The following ZNF764 variants were observed in gnomAD, a reference collection of about 807,000 sequenced individuals.
The protein encoded by ZNF764 is zinc finger protein 764.
A neutral mutation model predicts 13.9 loss-of-function variants in ZNF764; 10 were observed. The observed-to-expected ratio is 0.72, with a 90% CI of 0.44 to 1.22. The LOEUF is 1.22. ZNF764 is among the 50% of genes most tolerant of loss of function. The pLI is 0.00. For synonymous variants in ZNF764, 313 were observed against 255.1 expected, an observed-to-expected ratio of 1.23 and a Z score of -2.16; for missense variants, 647 against 589.7, an observed-to-expected ratio of 1.10 and a Z score of -1.01.
chr16:30,555,394 A>T lies in ZNF764; in HGVS notation c.1024T>A (p.Tyr342Asn), dbSNP rs578024104. Residue 342 changes from tyrosine to asparagine, a missense_variant, in exon 3 of 3, where the codon TAC (tyrosine) becomes AAC (asparagine). Physicochemically the swap from Tyr to Asn is moderately radical, Grantham distance 143. Transcript: ENST00000395091. ...CGGCGGCCGCACTGCGGGCAGGGGTAGGGCTTCTCGCCGCTGTGGGTGCGC... is the reference window on the plus strand; with the variant it reads ...CGGCGGCCGCACTGCGGGCAGGGGTTGGGCTTCTCGCCGCTGTGGGTGCGC... ...HRRTHSGEKP[Y>N]PCPQCGRRFG... 1 of 1,567,858 alleles carries T rather than the reference A, an allele frequency of 6.4e-7. No homozygotes were observed. Among genetic ancestry groups the T allele is most frequent in the African/African-American group, 1.4e-5 (1 of 73,934 alleles).
At chr16:30,557,363 A>G (rs2051565705) in intron 2 of ZNF764, among the ~76,000 whole-genome samples, 1 of 152,028 alleles carries the variant, frequency 6.6e-6, no homozygotes, top group Non-Finnish European at 1.5e-5. Context: ...GCTACTCTGG[A>G]GGCCCAGGTG....
At position 30,554,124 on chromosome 16, in the gene ZNF764, G is replaced by C. The variant is rs1377515825; in HGVS notation, c.*1070C>G. 1 of 152,190 alleles carries C rather than the reference G, an allele frequency of 6.6e-6. No individual in the cohort carries two copies. The highest frequency in any genetic ancestry group is 1.9e-4 in the East Asian group (1 of 5,198). 9.4% of individuals were successfully genotyped at this position (152,190 alleles called of 1,614,324 possible). The stretch of plus-strand genomic sequence containing the variant: ...AGCTCCCAACAACTGTGGTTTTGTC[G>C]GAGCCTAGGTCGAGTTGCCAAATCT... On this transcript the variant is annotated 3_prime_UTR_variant, in exon 3 of 3. Coordinates refer to ENST00000395091, the MANE Select transcript of ZNF764 (RefSeq NM_001172679.2).
At position 30,555,944 on chromosome 16, in the gene ZNF764, G is replaced by C. The variant is rs1367050873; in HGVS notation, c.474C>G (p.Arg158=). The change falls in exon 3 of 3, where the codon CGC becomes CGG. Residue 158 remains arginine (R), a synonymous_variant. Coordinates refer to ENST00000395091, the MANE Select transcript of ZNF764 (RefSeq NM_001172679.2). ...EQLSKAPHRG[R]PSLCAHPPVP... is the part of the protein sequence containing the mutation. ...CAGGGGGGTGGGCACAGAGGGAGGGGCGTCCCCGGTGCGGTGCCTTGGACA... is the reference window on the plus strand; with the variant it reads ...CAGGGGGGTGGGCACAGAGGGAGGGCCGTCCCCGGTGCGGTGCCTTGGACA... The C allele has an allele frequency of 6.2e-7, 1 of 1,611,632 alleles. No individual in the cohort carries two copies. Among genetic ancestry groups the C allele is most frequent in the African/African-American group, 1.3e-5 (1 of 75,032 alleles).
In ZNF764 at chr16:30,555,285, C is replaced by T. The variant is rs758632863; in HGVS notation, c.1133G>A (p.Arg378His). 4.3e-6 allele frequency: 7 copies of T among 1,612,142 alleles called. No homozygotes were observed. The highest frequency in any genetic ancestry group is 1.3e-5 in the African/African-American group (1 of 74,906). Residue 378 changes from arginine (R) to histidine (H), a missense_variant, in exon 3 of 3, where the codon CGT becomes CAT. By Grantham distance (29) the Arg-to-His change is conservative (BLOSUM62 0). Transcript: ENST00000395091. Reference protein sequence around the residue: ...AGGHRGRVAGRLSVTLTPGHG... With the variant: ...AGGHRGRVAGHLSVTLTPGHG... ...GCCAGGGGTCAGGGTCACAGACAGA[C>T]GCCCGGCGACCCGGCCCCTGTGGCC... is the stretch of plus-strand genomic sequence containing the variant.
Position 30,555,630 on chromosome 16 carries a change from C to A in ZNF764, c.788G>T (p.Cys263Phe), listed in dbSNP as rs372095147. 5.9e-6 allele frequency: 9 copies of A among 1,537,332 alleles called. No homozygotes were observed. The highest frequency in any genetic ancestry group is 7.9e-6 in the Non-Finnish European group (9 of 1,146,410). ...TGEKPYGCAD[C>F]GRRFSQSSAL... ...AGAGCTCTGGCTGAAGCGGCGGCCA[C>A]AGTCGGCGCAGCCATAGGGTTTCTC... is the stretch of plus-strand genomic sequence containing the variant. Residue 263 changes from cysteine to phenylalanine, a missense_variant, in exon 3 of 3, where the codon TGT (cysteine) becomes TTT (phenylalanine). Coordinates refer to ENST00000395091, the MANE Select transcript of ZNF764 (RefSeq NM_001172679.2).
rs1236157618 is a variant in ZNF764 at position 30,557,755 on chromosome 16, T to C, written c.288A>G (p.Lys96=). Residue 96 remains lysine, a synonymous_variant, in exon 2 of 3, where the codon AAA becomes AAG. Coordinates refer to ENST00000395091, the MANE Select transcript of ZNF764 (RefSeq NM_001172679.2). ...GPAAQDPEVA[K]CQTQTDPDSR... is the part of the protein sequence containing the mutation. The stretch of plus-strand genomic sequence containing the variant: ...CACCTGGGTCCGTTTGTGTCTGACA[T>C]TTCGCCACCTCCGGATCCTGGGCAG... 5.0e-6 allele frequency: 8 copies of C among 1,613,458 alleles called. No individual in the cohort carries two copies. Among genetic ancestry groups the C allele is most frequent in the Admixed American group, 3.3e-5 (2 of 59,978 alleles).
Position 30,558,316 on chromosome 16 carries a change from G to T in ZNF764, c.-134C>A. ...AGGGAGGTTACTAGGGCCCCCGAGGGCGCACTAGAGGGCGTGGAAACTAAC... is the reference window on the plus strand; with the variant it reads ...AGGGAGGTTACTAGGGCCCCCGAGGTCGCACTAGAGGGCGTGGAAACTAAC... On this transcript the variant is annotated 5_prime_UTR_variant, in exon 1 of 3. Coordinates refer to ENST00000395091, the MANE Select transcript of ZNF764 (RefSeq NM_001172679.2). 9.6e-7 allele frequency: 1 copy of T among 1,040,258 alleles called. No individual in the cohort carries two copies. Among genetic ancestry groups the T allele is most frequent in the Non-Finnish European group, 1.4e-6 (1 of 739,420 alleles). 64.4% of individuals were successfully genotyped at this position (1,040,258 alleles called of 1,614,324 possible).
In ZNF764 at chr16:30,556,036, C is replaced by A. The variant is rs1368109114; in HGVS notation, c.382G>T (p.Ala128Ser). The A allele has an allele frequency of 2.5e-6, 4 of 1,612,770 alleles. No homozygotes were observed. The highest frequency in any genetic ancestry group is 3.4e-6 in the Non-Finnish European group (4 of 1,180,010). Residue 128 changes from alanine (A) to serine (S), a missense_variant, in exon 3 of 3, where the codon GCC becomes TCC. Transcript: ENST00000395091. The stretch of plus-strand genomic sequence containing the variant: ...GGAGACTTCAGCCCAGGAGACCCGG[C>A]GGCCACAGGGTCGGGCTTCTCCAGG... Reference protein sequence around the residue: ...GALEKPDPVAAGSPGLKSPQA... With the variant: ...GALEKPDPVASGSPGLKSPQA...
Position 30,558,143 on chromosome 16 carries a change from T to C in ZNF764, c.40A>G (p.Asn14Asp), listed in dbSNP as rs755057994. The change falls in exon 1 of 3, where the codon AAC (asparagine) becomes GAC (aspartate). Residue 14 changes from asparagine (N) to aspartate (D), a missense_variant. By Grantham distance (23) the Asn-to-Asp change is conservative. Transcript: ENST00000395091. ...TCCCTCCACTCGGGTCCGGCCCCGTTTGGGTCCCGGGGAGGGAGCGGGGCC... is the reference window on the plus strand; with the variant it reads ...TCCCTCCACTCGGGTCCGGCCCCGTCTGGGTCCCGGGGAGGGAGCGGGGCC... The part of the protein sequence containing the change: ...PLAPLPPRDP[N>D]GAGPEWREPG... 6 of 1,604,602 alleles carry C rather than the reference T, an allele frequency of 3.7e-6. No individual in the cohort carries two copies. The highest frequency in any genetic ancestry group is 5.1e-6 in the Non-Finnish European group (6 of 1,178,176).
chr16:30,555,728 G>A lies in ZNF764; in HGVS notation c.690C>T (p.His230=). ...HRAIHRGERP[H]RCLECGRAFT... ...AGGCCCGGCCACACTCCAGACAGCG[G>A]TGGGGCCGCTCCCCACGATGGATGG... is the stretch of plus-strand genomic sequence containing the variant. The change falls in exon 3 of 3, where the codon CAC becomes CAT. Residue 230 remains histidine (H), a synonymous_variant. Transcript: ENST00000395091. The A allele has an allele frequency of 1.9e-6, 3 of 1,597,838 alleles. No individual in the cohort carries two copies. Among genetic ancestry groups the A allele is most frequent in the South Asian group, 1.1e-5 (1 of 89,624 alleles).
chr16:30,555,232 A>C lies in ZNF764; in HGVS notation c.1186T>G (p.Phe396Val). 1 of 1,611,704 alleles carries C rather than the reference A, an allele frequency of 6.2e-7. No homozygotes were observed. Among genetic ancestry groups the C allele is most frequent in the Non-Finnish European group, 8.5e-7 (1 of 1,179,036 alleles). Residue 396 changes from phenylalanine to valine, a missense_variant, in exon 3 of 3, where the codon TTC (phenylalanine) becomes GTC (valine). Physicochemically the swap from Phe to Val is conservative, Grantham distance 50. Coordinates refer to ENST00000395091, the MANE Select transcript of ZNF764 (RefSeq NM_001172679.2). ...GHGDLDPPVG[F>V]QLYPEIFQEC... is the part of the protein sequence containing the mutation. ...TGGAATATCTCCGGGTACAGCTGGAAGCCCACGGGCGGGTCCAGGTCTCCG... is the reference window on the plus strand; with the variant it reads ...TGGAATATCTCCGGGTACAGCTGGACGCCCACGGGCGGGTCCAGGTCTCCG...
Position 30,555,828 on chromosome 16 carries a change from G to A in ZNF764, c.590C>T (p.Thr197Ile). Residue 197 changes from threonine to isoleucine, a missense_variant, in exon 3 of 3, where the codon ACT (threonine) becomes ATT (isoleucine). Thr to Ile is a moderately conservative substitution (Grantham distance 89). Coordinates refer to ENST00000395091, the MANE Select transcript of ZNF764 (RefSeq NM_001172679.2). ...STLVEHVYSH[T>I]GEKPFHCTDC... The stretch of plus-strand genomic sequence containing the variant: ...AGTGCAGTGGAAGGGCTTCTCGCCA[G>A]TGTGACTGTAGACGTGCTCCACCAG... 6.2e-7 allele frequency: 1 copy of A among 1,612,256 alleles called. No individual in the cohort carries two copies. The highest frequency in any genetic ancestry group is 8.5e-7 in the Non-Finnish European group (1 of 1,179,926).
Position 30,555,939 on chromosome 16 carries a change from G to C in ZNF764, c.479C>G (p.Ser160Cys). The C allele has an allele frequency of 6.2e-7, 1 of 1,611,726 alleles. No individual in the cohort carries two copies. Among genetic ancestry groups the C allele is most frequent in the East Asian group, 2.2e-5 (1 of 44,858 alleles). ...LSKAPHRGRP[S>C]LCAHPPVPRA... is the part of the protein sequence containing the mutation. Reference sequence around the variant, plus strand: ...GGGGACAGGGGGGTGGGCACAGAGGGAGGGGCGTCCCCGGTGCGGTGCCTT... The same window carrying C: ...GGGGACAGGGGGGTGGGCACAGAGGCAGGGGCGTCCCCGGTGCGGTGCCTT... The change falls in exon 3 of 3, where the codon TCC becomes TGC. Residue 160 changes from serine (S) to cysteine (C), a missense_variant. By Grantham distance (112) the Ser-to-Cys change is moderately radical. Transcript: ENST00000395091.
chr16:30,555,607 A>G lies in ZNF764; in HGVS notation c.811T>C (p.Ser271Pro). 6.5e-7 allele frequency: 1 copy of G among 1,548,544 alleles called. No homozygotes were observed. The highest frequency in any genetic ancestry group is 8.7e-7 in the Non-Finnish European group (1 of 1,152,346). ...ADCGRRFSQSSALYQHRRVHS... is the reference protein window; with the variant it reads ...ADCGRRFSQSPALYQHRRVHS... ...ACGCGCCGGTGCTGGTAGAGGGCAG[A>G]GCTCTGGCTGAAGCGGCGGCCACAG... Residue 271 changes from serine (S) to proline (P), a missense_variant, in exon 3 of 3, where the codon TCT becomes CCT. Coordinates refer to ENST00000395091, the MANE Select transcript of ZNF764 (RefSeq NM_001172679.2).
At position 30,555,648 on chromosome 16, in the gene ZNF764, G is replaced by A. The variant is rs1205482994; in HGVS notation, c.770C>T (p.Pro257Leu). 1 of 1,544,288 alleles carries A rather than the reference G, an allele frequency of 6.5e-7. No homozygotes were observed. Among genetic ancestry groups the A allele is most frequent in the East Asian group, 2.4e-5 (1 of 42,098 alleles). ...GCGGCCACAGTCGGCGCAGCCATAGGGTTTCTCGCCGGTGTGGACGCGCAG... is the reference window on the plus strand; with the variant it reads ...GCGGCCACAGTCGGCGCAGCCATAGAGTTTCTCGCCGGTGTGGACGCGCAG... ...SHLRVHTGEK[P>L]YGCADCGRRF... Residue 257 changes from proline (P) to leucine (L), a missense_variant, in exon 3 of 3, where the codon CCC (proline) becomes CTC (leucine). Coordinates refer to ENST00000395091, the MANE Select transcript of ZNF764 (RefSeq NM_001172679.2).
At chr16:30,557,605 CTCG>C (rs2051567340) in intron 2 of ZNF764, 125 bp downstream of exon 2, 1 of 1,368,070 alleles carries the variant, frequency 7.3e-7, no homozygotes, top group South Asian at 1.4e-5. Context: ...GGGGCTCAGC[CTCG>C]TCGTCGCAGT....
chr16:30,554,953 G>A lies in ZNF764; in HGVS notation c.*241C>T. Reference sequence around the variant, plus strand: ...AGAAACAGCTTTTGGTTCCCCTTATGTAGGTCTGGGGGTTCTCAACTCAGC... The same window carrying A: ...AGAAACAGCTTTTGGTTCCCCTTATATAGGTCTGGGGGTTCTCAACTCAGC... On this transcript the variant is annotated 3_prime_UTR_variant, in exon 3 of 3. Transcript: ENST00000395091. 4.0e-6 allele frequency: 2 copies of A among 502,858 alleles called. No individual in the cohort carries two copies. The highest frequency in any genetic ancestry group is 3.5e-5 in the South Asian group (1 of 28,498). 31.1% of individuals were successfully genotyped at this position (502,858 alleles called of 1,614,324 possible). A position where few individuals can be genotyped will look rare whatever the true frequency, so the allele number is the denominator to read the frequency against.
chr16:30,555,456 C>T lies in ZNF764; in HGVS notation c.962G>A (p.Arg321His). 7.8e-6 allele frequency: 12 copies of T among 1,546,596 alleles called. No homozygotes were observed. The highest frequency in any genetic ancestry group is 9.6e-6 in the Non-Finnish European group (11 of 1,143,162). The change falls in exon 3 of 3, where the codon CGC (arginine) becomes CAC (histidine). Residue 321 changes from arginine to histidine, a missense_variant. Coordinates refer to ENST00000395091, the MANE Select transcript of ZNF764 (RefSeq NM_001172679.2). ...EKPYPCPDCG[R>H]CFRQSSEMAA... ...CATCTCCGAGCTCTGGCGGAAGCAG[C>T]GCCCGCAGTCCGGGCACGGGTAGGG...
chr16:30,556,702 A>AAT (rs1243721684), intron 2 of ZNF764, among the ~76,000 whole-genome samples: 4 of 151,898 alleles, frequency 2.6e-5, no homozygotes, highest in African/African-American at 4.8e-5. Flanking sequence ...CCCTCTATAA[A>AAT]ATATATATAT....
Sources: allele counts gnomAD v4.1 joint callset (sites outside exome capture counted in the v4.1 genomes callset), GRCh38; gene constraint gnomAD v4.1.1; transcripts MANE v1.5; gene names NCBI Gene and HGNC (gene_info 2026-07-23, HGNC 2026-07-21).